Variants in CEP85L observed in about 807,000 individuals in gnomAD.
CEP85L encodes centrosomal protein of 85 kDa-like.
Under a neutral mutation model 100.3 loss-of-function variants are expected in CEP85L, and 60 were observed. That is an observed-to-expected ratio of 0.60 (90% CI 0.49 to 0.74). The LOEUF is 0.74. Ranked by LOEUF, CEP85L falls within the 30% of genes least tolerant of loss-of-function variation. The pLI is 0.00. For synonymous variants in CEP85L, 319 were observed against 322.7 expected, an observed-to-expected ratio of 0.99 and a Z score of 0.12; for missense variants, 973 against 936.2, an observed-to-expected ratio of 1.04 and a Z score of -0.51.
intron 1 of CEP85L, among the ~76,000 whole-genome samples, chr6:118,673,739 AC>A (rs772393241): frequency 1.3e-5 from 2 of 152,198 alleles, no homozygotes; most frequent in Non-Finnish European, 2.9e-5. Context: ...TGTGAACTCC[AC>A]CCATGGACAT....
Position 118,705,215 on chromosome 6 carries a change from A to G in CEP85L, c.-28+4821T>C, listed in dbSNP as rs558045550. ...GCCGAACAGTCTCTAAAAGAAAACGAGAGGTGCTGCTGTCTTCTCTTCATG... is the reference window on the plus strand; with the variant it reads ...GCCGAACAGTCTCTAAAAGAAAACGGGAGGTGCTGCTGTCTTCTCTTCATG... On this transcript the variant is annotated intron_variant, in intron 1 of 13. Transcript: ENST00000368488. Among the ~76,000 whole-genome samples the G allele has an allele frequency of 3.9e-5, 6 of 152,290 alleles. No homozygotes were observed. The South Asian group carries it at 6.2e-4, about 16-fold the overall frequency.
Position 118,569,273 on chromosome 6 carries a change from C to T in CEP85L, c.233-2957G>A, listed in dbSNP as rs997594246. On this transcript the variant is annotated intron_variant, in intron 2 of 12. Transcript: ENST00000368491. Reference sequence around the variant, plus strand: ...AGGAGAATGGCTTGAACCTGTGAGGCGGAGGCTGCAGTAAGCAGAGATTGT... The same window carrying T: ...AGGAGAATGGCTTGAACCTGTGAGGTGGAGGCTGCAGTAAGCAGAGATTGT... Among the ~76,000 whole-genome samples the T allele has an allele frequency of 1.1e-4, 14 of 128,074 alleles. No individual in the cohort carries two copies. The Admixed American group carries it at 1.1e-3, about 10-fold the overall frequency. 84.0% of individuals were successfully genotyped at this position (128,074 alleles called of 152,430 possible).
rs371812819 is a variant in CEP85L, at chr6:118,469,178, G to T, written c.2148C>A (p.Phe716Leu). ...LFDLTVIDQL[F>L]KEMSCCLFDL... ...CAAACAAACAACAGGACATTTCCTT[G>T]AACAGCTGATCAATCACAGTCAAAT... The change falls in exon 12 of 13, where the codon TTC (phenylalanine) becomes TTA (leucine). Residue 716 changes from phenylalanine (F) to leucine (L), a missense_variant. By Grantham distance (22) the Phe-to-Leu change is conservative (BLOSUM62 0). Around this residue, in one of 3 missense-constraint regions of CEP85L, gnomAD observed 890 missense variants for 844.5 expected, o/e 1.05. Coordinates refer to ENST00000368491, the MANE Select transcript of CEP85L (RefSeq NM_001042475.3). 2 of 1,613,892 alleles carry T rather than the reference G, an allele frequency of 1.2e-6. No individual in the cohort carries two copies. Among genetic ancestry groups the T allele is most frequent in the Non-Finnish European group, 1.7e-6 (2 of 1,179,930 alleles).
intron 2 of CEP85L, among the ~76,000 whole-genome samples, chr6:118,625,209 G>A (rs1162812522): frequency 6.6e-6 from 1 of 152,208 alleles, no homozygotes; most frequent in African/African-American, 2.4e-5. Context: ...GTGACCTCAG[G>A]TTTCACCTGT....
chr6:118,606,465 A>G (rs1179254900), intron 2 of CEP85L, among the ~76,000 whole-genome samples: 2 of 152,252 alleles, frequency 1.3e-5, no homozygotes, highest in Non-Finnish European at 2.9e-5. Flanking sequence ...GGTAGTCCCC[A>G]TTTCCTTTCC....
chr6:118,624,875 C>T (rs1316071501), intron 2 of CEP85L, among the ~76,000 whole-genome samples: 2 of 152,226 alleles, frequency 1.3e-5, no homozygotes, highest in African/African-American at 4.8e-5. Context: ...ATATAAGAAA[C>T]TAGACCTTTC....
At chr6:118,612,992 G>T (rs180912881) in intron 2 of CEP85L, among the ~76,000 whole-genome samples, 2 of 152,124 alleles carry the variant, frequency 1.3e-5, no homozygotes, top group African/African-American at 4.8e-5. Context: ...GTCGAGGCGG[G>T]CGGATCGCCT....
chr6:118,513,265 G>T (rs971424555), intron 4 of CEP85L, among the ~76,000 whole-genome samples: 6 of 152,080 alleles, frequency 3.9e-5, no homozygotes, highest in African/African-American at 7.2e-5. Context: ...GTGGCAGGGG[G>T]TGGGAGTAGG....
chr6:118,565,565 A>T lies in CEP85L; in HGVS notation c.984T>A (p.Ile328=). Reference sequence around the variant, plus strand: ...TTTCACTTCCTTGTCGAAAGTCTTCAATTTGCTGCTGTTGCCAAGGAGCTA... The same window carrying T: ...TTTCACTTCCTTGTCGAAAGTCTTCTATTTGCTGCTGTTGCCAAGGAGCTA... ...YSLAPWQQQQ[I]EDFRQGSETP... is the part of the protein sequence containing the mutation. The change falls in exon 3 of 13, where the codon ATT becomes ATA. Residue 328 remains isoleucine, a synonymous_variant. Transcript: ENST00000368491. 1 of 1,614,166 alleles carries T rather than the reference A, an allele frequency of 6.2e-7. No homozygotes were observed. Among genetic ancestry groups the T allele is most frequent in the Non-Finnish European group, 8.5e-7 (1 of 1,180,016 alleles).
At chr6:118,639,931 T>G (rs1001388139) in intron 1 of CEP85L, among the ~76,000 whole-genome samples, 6 of 152,196 alleles carry the variant, frequency 3.9e-5, no homozygotes, top group Non-Finnish European at 7.4e-5. Context: ...CCAGGATATT[T>G]TAAACTATCC....
At chr6:118,656,823 C>T (rs1277820816), upstream of CEP85L, 4 of 152,052 alleles carry the variant, frequency 2.6e-5, no homozygotes, top group Non-Finnish European at 5.9e-5. Context: ...TATTGTAAAC[C>T]ACAGTCGCCC....
intron 1 of CEP85L, among the ~76,000 whole-genome samples, chr6:118,647,302 G>A (rs751871601): frequency 2.6e-5 from 4 of 152,020 alleles, no homozygotes; most frequent in Non-Finnish European, 5.9e-5. Context: ...TTTTATTTTC[G>A]CACACTATAA....
At chr6:118,490,927 C>T (rs1283777224) in intron 6 of CEP85L, among the ~76,000 whole-genome samples, 1 of 151,782 alleles carries the variant, frequency 6.6e-6, no homozygotes, top group African/African-American at 2.4e-5. Flanking sequence ...CGATTCTTTG[C>T]TTAATGGGCA....
intron 1 of CEP85L, among the ~76,000 whole-genome samples, chr6:118,671,994 G>A (rs1306064725): frequency 1.3e-5 from 2 of 152,102 alleles, no homozygotes; most frequent in African/African-American, 4.8e-5. Flanking sequence ...AAATAGGGAG[G>A]AAGGTTTTTC....
Position 118,462,704 on chromosome 6 carries a change from C to A in CEP85L, c.*2701G>T, listed in dbSNP as rs1244730693. On this transcript the variant is annotated 3_prime_UTR_variant, in exon 13 of 13. Transcript: ENST00000368491. ...ACTTCCACGAACATCCTAGTTCAAACTGGGTGAGATGCTCTAGTGTTGCTA... is the reference window on the plus strand; with the variant it reads ...ACTTCCACGAACATCCTAGTTCAAAATGGGTGAGATGCTCTAGTGTTGCTA... The A allele has an allele frequency of 1.3e-5, 2 of 151,916 alleles. No homozygotes were observed. Among genetic ancestry groups the A allele is most frequent in the Non-Finnish European group, 2.9e-5 (2 of 67,876 alleles). The allele number at this position is 151,916 out of a possible 1,614,324, so 9.4% of individuals were successfully genotyped here.
At chr6:118,637,703 CAAAAAAAAAAAA>C (rs11388747) in intron 1 of CEP85L, among the ~76,000 whole-genome samples, 7 of 45,440 alleles carry the variant, frequency 1.5e-4, no homozygotes, top group Non-Finnish European at 2.7e-4. Flanking sequence ...AAGACTGTCT[CAAAAAAAAAAAA>C]AAAAAAAAAA....
At chr6:118,476,131 C>G (rs1773350086) in intron 10 of CEP85L, among the ~76,000 whole-genome samples, 2 of 152,118 alleles carry the variant, frequency 1.3e-5, no homozygotes, top group Admixed American at 1.3e-4. Context: ...TCGTACAACT[C>G]CCCCCCGCGA....
intron 2 of CEP85L, among the ~76,000 whole-genome samples, chr6:118,598,288 A>C (rs1455773993): frequency 2.0e-5 from 3 of 152,192 alleles, no homozygotes; most frequent in Non-Finnish European, 4.4e-5. Context: ...ACTGTCCAGC[A>C]CTTTTTTAAT....
At chr6:118,642,001 T>C (rs1186388061) in intron 1 of CEP85L, among the ~76,000 whole-genome samples, 2 of 151,982 alleles carry the variant, frequency 1.3e-5, no homozygotes, top group East Asian at 3.9e-4. Flanking sequence ...CATATGCGAG[T>C]TGGAAAAAAT....
Sources: allele counts gnomAD v4.1 joint callset (sites outside exome capture counted in the v4.1 genomes callset), GRCh38; gene constraint gnomAD v4.1.1; regional missense constraint gnomAD v4.1.1; transcripts MANE v1.5; gene names NCBI Gene and HGNC (gene_info 2026-07-23, HGNC 2026-07-21).